The following PIGQ variants were observed in gnomAD, a reference collection of about 807,000 sequenced individuals.
PIGQ encodes phosphatidylinositol N-acetylglucosaminyltransferase subunit Q.
In PIGQ, 54 loss-of-function variants were observed where a neutral mutation model predicts 60.3. The observed-to-expected ratio is 0.90, with a 90% CI of 0.72 to 1.12. The LOEUF is 1.12. Among genes scored for constraint, PIGQ ranks in the 50% most tolerant of loss-of-function variants. The pLI is 0.00. For synonymous variants in PIGQ, 416 were observed against 363.7 expected (o/e 1.14, Z -1.64); for missense variants, 799 against 793.5 (o/e 1.01, Z -0.08).
Position 583,193 on chromosome 16 carries a change from G to A in PIGQ, c.*158G>A, listed in dbSNP as rs755447273. ...CCTGCTATCACACCTTGGGCTTGGA[G>A]GTCATTGGGAGTGAGCAGATGTGGG... On this transcript the variant is annotated 3_prime_UTR_variant, in exon 11 of 11. Transcript: ENST00000321878. The A allele has an allele frequency of 1.4e-5, 23 of 1,613,342 alleles. No homozygotes were observed. The highest frequency in any genetic ancestry group is 1.9e-5 in the Non-Finnish European group (22 of 1,180,002).
rs904386055 is a variant in PIGQ at position 578,292 on chromosome 16, G to A, written c.943-87G>A. 7 of 1,416,296 alleles carry A rather than the reference G, an allele frequency of 4.9e-6. No individual in the cohort carries two copies. The Admixed American group carries it at 1.0e-4, about 20-fold the overall frequency. 87.7% of individuals were successfully genotyped at this position (1,416,296 alleles called of 1,614,324 possible). On this transcript the variant is annotated intron_variant, in intron 4 of 10. Coordinates refer to ENST00000321878, the MANE Select transcript of PIGQ (RefSeq NM_004204.5). ...CCTGGAGGAGGGAAGGCTGGCCAAG[G>A]TGGGAGCCCATCACGAAAGAGCCTG...
rs201715230 is a variant in PIGQ at position 583,662 on chromosome 16, G to T, written c.*627G>T. The T allele has an allele frequency of 4.3e-6, 7 of 1,610,430 alleles. No individual in the cohort carries two copies. The highest frequency in any genetic ancestry group is 2.7e-5 in the African/African-American group (2 of 74,778). ...AAACCATCAGCAGGCTGTGAGCATC[G>T]CCAGGCTGCTGTGGGGGCGGGAGCA... On this transcript the variant is annotated 3_prime_UTR_variant, in exon 11 of 11. Coordinates refer to ENST00000321878, the MANE Select transcript of PIGQ (RefSeq NM_004204.5).
chr16:574,142 G>A lies in PIGQ; in HGVS notation c.68G>A (p.Trp23Ter), dbSNP rs750315914. 7 of 1,612,032 alleles carry A rather than the reference G, an allele frequency of 4.3e-6. No individual in the cohort carries two copies. The East Asian group carries it at 1.6e-4, about 36-fold the overall frequency. Residue 23 changes from tryptophan (W) to a stop codon, truncating the protein, a stop_gained, in exon 2 of 11, where the codon TGG (tryptophan) becomes TAG (stop). Transcript: ENST00000321878. LOFTEE classifies it high-confidence loss of function. ...GACAGCGGGCTGCTGGTGGGACGGT[G>A]GGTGCCGGAGCAGAGCAGCGCCGTG... ...STDSGLLVGR[W>*]VPEQSSAVVL...
At position 583,740 on chromosome 16, in the gene PIGQ, G is replaced by A; in HGVS notation, c.*705G>A. The A allele has an allele frequency of 7.5e-7, 1 of 1,327,320 alleles. No homozygotes were observed. The highest frequency in any genetic ancestry group is 1.1e-6 in the Non-Finnish European group (1 of 933,842). The allele number at this position is 1,327,320 out of a possible 1,614,324, so 82.2% of individuals were successfully genotyped here. On this transcript the variant is annotated 3_prime_UTR_variant, in exon 11 of 11. Transcript: ENST00000321878. ...ACCCAGCCGTACCTATTCGTCCACG[G>A]TGCCCCGTAGCAGCAGGTCCTGCGG...
chr16:579,016 G>GGGGGCGGGGCGGGGCGGGGC, intron 6 of PIGQ, 53 bp from the exon 7 acceptor site: 1 of 1,521,348 alleles, frequency 6.6e-7, no homozygotes, highest in East Asian at 2.4e-5. Flanking sequence ...CGAGTGGGGC[G>GGGGGCGGGGCGGGGCGGGGC]GGGGCGGGGC....
chr16:575,856 C>T lies in PIGQ; in HGVS notation c.707C>T (p.Pro236Leu), dbSNP rs147675216. Reference protein sequence around the residue: ...VSACRVFKLWPLSFLGSKLST... With the variant: ...VSACRVFKLWLLSFLGSKLST... ...CCACGCAGAGTGTTCAAGCTCTGGC[C>T]CCTGTCCTTCCTCGGGAGCAAACTC... Residue 236 changes from proline (P) to leucine (L), a missense_variant, in exon 3 of 11, where the codon CCC becomes CTC. Physicochemically the swap from Pro to Leu is moderately conservative, Grantham distance 98. Transcript: ENST00000321878. The T allele has an allele frequency of 2.6e-6, 4 of 1,567,600 alleles. No homozygotes were observed. The African/African-American group carries it at 5.4e-5, about 21-fold the overall frequency.
intron 10 of PIGQ, chr16:582,650 C>A: frequency 1.7e-6 from 1 of 597,740 alleles, no homozygotes; most frequent in Non-Finnish European, 3.0e-6. Flanking sequence ...TGTGGCACGG[C>A]CCCTCAGAGT....
chr16:572,954 C>T (rs145943195), intron 1 of PIGQ, among the ~76,000 whole-genome samples: 1,579 of 152,334 alleles, frequency 0.01, 14 homozygotes, highest in Non-Finnish European at 0.019. Flanking sequence ...CTCCACTCTT[C>T]GTGCAGGCGA....
At chr16:571,528 AGCCTGGC>A (rs2035628090) in intron 1 of PIGQ, among the ~76,000 whole-genome samples, 1 of 67,284 alleles carries the variant, frequency 1.5e-5, no homozygotes. Context: ...GTGTCTGGCT[AGCCTGGC>A]GCCTGTGTGT....
rs1304967664 is a variant in PIGQ, at chr16:574,342, C to G, written c.268C>G (p.His90Asp). 1 of 1,609,150 alleles carries G rather than the reference C, an allele frequency of 6.2e-7. No individual in the cohort carries two copies. The highest frequency in any genetic ancestry group is 1.7e-5 in the Admixed American group (1 of 59,830). The change falls in exon 2 of 11, where the codon CAT (histidine) becomes GAT (aspartate). Residue 90 changes from histidine to aspartate, a missense_variant. His to Asp is a moderately conservative substitution (Grantham distance 81). Transcript: ENST00000321878. The part of the protein sequence containing the change: ...FLESLGAVFP[H>D]EPWLRLCRER... The stretch of plus-strand genomic sequence containing the variant: ...GGAGAGCCTGGGTGCTGTCTTCCCC[C>G]ATGAGCCCTGGCTGCGGCTGTGCCG...
At chr16:579,403 C>T (rs570958174) in intron 7 of PIGQ, 3 of 574,936 alleles carry the variant, frequency 5.2e-6, no homozygotes, top group Admixed American at 3.1e-5. Flanking sequence ...GACACACAGC[C>T]CCGAAGGTGG....
At chr16:577,438 A>C (rs527744276) in intron 4 of PIGQ, among the ~76,000 whole-genome samples, 3 of 151,828 alleles carry the variant, frequency 2.0e-5, no homozygotes, top group African/African-American at 7.2e-5. Context: ...TTAGCCAGGT[A>C]TGGTGGTGGG....
chr16:581,016 G>A (rs2035801690), intron 9 of PIGQ, 44 bp downstream of exon 9: 1 of 1,392,198 alleles, frequency 7.2e-7, no homozygotes, highest in Non-Finnish European at 1.0e-6. Flanking sequence ...TAGGTGGAGG[G>A]GAACCACACC....
intron 4 of PIGQ, among the ~76,000 whole-genome samples, chr16:577,449 C>T (rs538940388): frequency 5.9e-5 from 9 of 152,018 alleles, no homozygotes; most frequent in East Asian, 1.9e-4. Context: ...TGGTGGTGGG[C>T]ACCTGTAGTC....
chr16:581,747 C>G (rs1005367223), intron 9 of PIGQ: 1 of 166,050 alleles, frequency 6.0e-6, no homozygotes, highest in Non-Finnish European at 1.3e-5. Flanking sequence ...CAGGCACGAG[C>G]CACCGTGCCC....
chr16:574,019 G>C (rs565864100), intron 1 of PIGQ, 47 bp from the exon 2 acceptor site: 27 of 1,351,340 alleles, frequency 2.0e-5, no homozygotes, highest in Admixed American at 1.0e-4. Context: ...GCCCACGGTG[G>C]GGGGGCAGCA....
In PIGQ at chr16:583,569, G is replaced by A. The variant is rs757081520; in HGVS notation, c.*534G>A. 10 of 1,612,534 alleles carry A rather than the reference G, an allele frequency of 6.2e-6. No individual in the cohort carries two copies. Among genetic ancestry groups the A allele is most frequent in the East Asian group, 2.2e-5 (1 of 44,872 alleles). On this transcript the variant is annotated 3_prime_UTR_variant, in exon 11 of 11. Coordinates refer to ENST00000321878, the MANE Select transcript of PIGQ (RefSeq NM_004204.5). ...GCTGACCCCCGTCCCCAGCGGGCCCGGGCCCTCACTCCCTGAACCACACGG... is the reference window on the plus strand; with the variant it reads ...GCTGACCCCCGTCCCCAGCGGGCCCAGGCCCTCACTCCCTGAACCACACGG...
intron 9 of PIGQ, chr16:581,760 CTTT>C (rs59948933): frequency 1.4e-4 from 12 of 82,982 alleles, no homozygotes; most frequent in Admixed American, 6.1e-4. Flanking sequence ...CCGTGCCCGG[CTTT>C]TTTTTTTTTT....
intron 4 of PIGQ, chr16:576,793 C>G: frequency 2.7e-6 from 1 of 365,094 alleles, no homozygotes; most frequent in Non-Finnish European, 4.9e-6. Flanking sequence ...GCCCCCTCCT[C>G]TGCAGATCTA....
Sources: gnomAD v4.1 joint callset for allele counts (sites outside exome capture counted in the v4.1 genomes callset) on GRCh38, gnomAD v4.1.1 for gene constraint, MANE v1.5 for transcripts, NCBI Gene and HGNC (gene_info 2026-07-23, HGNC 2026-07-21) for gene names.